The following PPP3CC variants were observed in gnomAD, a reference collection of about 807,000 sequenced individuals.
The protein encoded by PPP3CC is serine/threonine-protein phosphatase 2B catalytic subunit gamma isoform.
PPP3CC carries 35 observed loss-of-function variants against 60.3 expected under a neutral mutation model. The observed-to-expected ratio is 0.58, with a 90% CI of 0.44 to 0.77. The LOEUF is 0.77. PPP3CC is among the 30% of genes least tolerant of loss of function. The pLI, the probability that PPP3CC is intolerant of heterozygous loss-of-function variation, is 0.00. For synonymous variants in PPP3CC, 206 were observed against 224.3 expected, an observed-to-expected ratio of 0.92 and a Z score of 0.73; for missense variants, 570 against 628.9, an observed-to-expected ratio of 0.91 and a Z score of 1.00.
chr8:22,531,675 C>T (rs1839720187), intron 10 of PPP3CC, among the ~76,000 whole-genome samples: 1 of 152,158 alleles, frequency 6.6e-6, no homozygotes, highest in Admixed American at 6.6e-5. Context: ...TAAAATAGTG[C>T]ACAGTTGTAA....
chr8:22,506,768 C>T (rs768502861), intron 4 of PPP3CC, among the ~76,000 whole-genome samples: 3 of 151,508 alleles, frequency 2.0e-5, no homozygotes, highest in Admixed American at 1.3e-4. Flanking sequence ...AGTGAAACCC[C>T]GTCTCTACTA....
chr8:22,458,542 G>A (rs1837275030), intron 1 of PPP3CC, among the ~76,000 whole-genome samples: 1 of 151,702 alleles, frequency 6.6e-6, no homozygotes, highest in African/African-American at 2.4e-5. Flanking sequence ...AGGTTGCAGT[G>A]AGCTGAGATC....
At chr8:22,469,645 G>C (rs1200386967) in intron 1 of PPP3CC, among the ~76,000 whole-genome samples, 1 of 152,066 alleles carries the variant, frequency 6.6e-6, no homozygotes, top group Non-Finnish European at 1.5e-5. Context: ...ATACGAAGAG[G>C]CCACATGTGG....
chr8:22,488,163 G>A (rs376009756), intron 3 of PPP3CC, among the ~76,000 whole-genome samples: 19 of 152,258 alleles, frequency 1.2e-4, no homozygotes, highest in African/African-American at 4.6e-4. Flanking sequence ...TCTTGGTTGG[G>A]AAAGGTAGGT....
At chr8:22,462,422 G>A (rs117651588) in intron 1 of PPP3CC, among the ~76,000 whole-genome samples, 2,474 of 152,104 alleles carry the variant, frequency 0.016, 32 homozygotes, top group Non-Finnish European at 0.026. Context: ...CTGATCATTC[G>A]TCCGCTAAAC....
At chr8:22,533,053 C>T (rs1279187371) in intron 12 of PPP3CC, 35 bp downstream of exon 12, 1 of 1,442,988 alleles carries the variant, frequency 6.9e-7, no homozygotes, top group Non-Finnish European at 9.4e-7. Flanking sequence ...GGAAGGTGTG[C>T]TCCCGTTACC....
At chr8:22,490,549 C>T (rs914556868) in intron 3 of PPP3CC, among the ~76,000 whole-genome samples, 2 of 151,724 alleles carry the variant, frequency 1.3e-5, no homozygotes, top group African/African-American at 4.8e-5. Flanking sequence ...GTGTGCTGCA[C>T]CCATTAACTC....
Position 22,493,035 on chromosome 8 carries a change from G to A in PPP3CC, c.373-4966G>A, listed in dbSNP as rs983671175. The stretch of plus-strand genomic sequence containing the variant: ...TGCTACTGGAGAGGATGACGATGAA[G>A]TTCCAGCTCTTGTGGAGAATTTTGA... On this transcript the variant is annotated intron_variant, in intron 3 of 13. Transcript: ENST00000240139. 5 of 1,367,786 alleles carry A rather than the reference G, an allele frequency of 3.7e-6. No individual in the cohort carries two copies. In the African/African-American group the frequency reaches 4.3e-5, roughly 12 times the overall value. 84.7% of individuals were successfully genotyped at this position (1,367,786 alleles called of 1,614,324 possible).
At chr8:22,448,482 C>T (rs1034083380) in intron 1 of PPP3CC, among the ~76,000 whole-genome samples, 1 of 150,698 alleles carries the variant, frequency 6.6e-6, no homozygotes, top group Non-Finnish European at 1.5e-5. Flanking sequence ...CGGGTTCAAG[C>T]GATTCTCCTG....
At chr8:22,447,937 T>G (rs1836882482) in intron 1 of PPP3CC, among the ~76,000 whole-genome samples, 1 of 152,224 alleles carries the variant, frequency 6.6e-6, no homozygotes, top group Non-Finnish European at 1.5e-5. Context: ...TTGATGATCA[T>G]TACTAGATTT....
chr8:22,513,973 T>A (rs1325082085), intron 6 of PPP3CC, among the ~76,000 whole-genome samples: 1 of 152,130 alleles, frequency 6.6e-6, no homozygotes, highest in Non-Finnish European at 1.5e-5. Flanking sequence ...AGGCAGGGCG[T>A]GGTGGCTCAC....
At chr8:22,477,546 T>G (rs1161349218) in intron 3 of PPP3CC, among the ~76,000 whole-genome samples, 1 of 152,170 alleles carries the variant, frequency 6.6e-6, no homozygotes, top group Non-Finnish European at 1.5e-5. Context: ...TATTTCTTTG[T>G]GTTTTTGCTA....
chr8:22,453,348 C>T (rs1270079208), intron 1 of PPP3CC, among the ~76,000 whole-genome samples: 1 of 152,190 alleles, frequency 6.6e-6, no homozygotes, highest in Non-Finnish European at 1.5e-5. Context: ...GTCACGCTTA[C>T]ATAGTTGCTT....
At position 22,475,568 on chromosome 8, in the gene PPP3CC, AAC is replaced by A. The variant is rs772184723; in HGVS notation, c.321_322del (p.Arg108LeufsTer6). On this transcript the variant is annotated frameshift_variant, in exon 3 of 14. Transcript: ENST00000240139. LOFTEE classifies it high-confidence loss of function. Reference sequence around the variant, plus strand: ...ATTTGAAGTTGGAGGATCACCTAGTAACACACGCTACCTCTTTCTGGGTGACT... The same window carrying A: ...ATTTGAAGTTGGAGGATCACCTAGTAACACGCTACCTCTTTCTGGGTGACT... ...KLFEVGGSPS[N>X]TRYLFLGDYV... 6.2e-7 allele frequency: 1 copy of A among 1,612,934 alleles called. No homozygotes were observed. The highest frequency in any genetic ancestry group is 8.5e-7 in the Non-Finnish European group (1 of 1,179,022).
At chr8:22,463,608 A>G (rs1417498823) in intron 1 of PPP3CC, among the ~76,000 whole-genome samples, 1 of 152,194 alleles carries the variant, frequency 6.6e-6, no homozygotes, top group Non-Finnish European at 1.5e-5. Flanking sequence ...GTAGTCACTG[A>G]TTATCCTAGA....
chr8:22,533,542 A>T (rs1232939531), intron 12 of PPP3CC, among the ~76,000 whole-genome samples: 1 of 152,222 alleles, frequency 6.6e-6, no homozygotes, highest in Admixed American at 6.5e-5. Context: ...AGTGGCCAAT[A>T]GGCCTGGCAC....
chr8:22,456,285 T>C (rs1837192803), intron 1 of PPP3CC, among the ~76,000 whole-genome samples: 1 of 152,236 alleles, frequency 6.6e-6, no homozygotes, highest in Admixed American at 6.5e-5. Flanking sequence ...ATTTTACTTG[T>C]GTTTACCTGA....
intron 6 of PPP3CC, among the ~76,000 whole-genome samples, chr8:22,519,243 C>G (rs1839339096): frequency 6.6e-6 from 1 of 152,172 alleles, no homozygotes; most frequent in African/African-American, 2.4e-5. Flanking sequence ...CCTTTCTCTA[C>G]CCTTTTACTT....
chr8:22,492,807 T>G (rs983231806), intron 3 of PPP3CC: 1 of 1,007,032 alleles, frequency 9.9e-7, no homozygotes. Context: ...GAGGTGAATA[T>G]GTTTACAAAC....
Sources: gnomAD v4.1 joint callset for allele counts (sites outside exome capture counted in the v4.1 genomes callset) on GRCh38, gnomAD v4.1.1 for gene constraint, MANE v1.5 for transcripts, NCBI Gene and HGNC (gene_info 2026-07-23, HGNC 2026-07-21) for gene names.